ANKFN1: variants seen among roughly 807,000 people sequenced by gnomAD.
The protein encoded by ANKFN1 is ankyrin repeat and fibronectin type III domain containing 1.
In ANKFN1, 74 loss-of-function variants were observed where a neutral mutation model predicts 108.7. The ratio of observed to expected loss-of-function variants is 0.68; its 90% CI spans 0.56 to 0.83. The LOEUF (loss-of-function observed/expected upper bound fraction) is 0.83. Ranked by LOEUF, ANKFN1 falls within the 40% of genes least tolerant of loss-of-function variation. ANKFN1 has a pLI of 0.00. For missense variants in ANKFN1, 1,505 were observed against 1,382.3 expected, an observed-to-expected ratio of 1.09 and a Z score of -1.41; for synonymous variants, 547 against 516.2, an observed-to-expected ratio of 1.06 and a Z score of -0.81.
intron 18 of ANKFN1, among the ~76,000 whole-genome samples, chr17:56,491,535 T>C (rs1418157303): frequency 6.6e-6 from 1 of 152,122 alleles, no homozygotes; most frequent in Non-Finnish European, 1.5e-5. Flanking sequence ...GTGATATCTG[T>C]CCAATTATCT....
Position 56,466,569 on chromosome 17 carries a change from C to A in ANKFN1, c.1771C>A (p.Gln591Lys). 1 of 1,604,050 alleles carries A rather than the reference C, an allele frequency of 6.2e-7. No individual in the cohort carries two copies. Among genetic ancestry groups the A allele is most frequent in the South Asian group, 1.1e-5 (1 of 89,670 alleles). The change falls in exon 15 of 21, where the codon CAG becomes AAG. Residue 591 changes from glutamine (Q) to lysine (K), a missense_variant and splice_region_variant. Transcript: ENST00000682825. ...TALDILLITI[Q>K]DILSYHKRSH... ...TTTAGACATTCTACTGATAACCATC[C>A]AGGTATGTAGTTTTTTTCTTAATTC...
chr17:56,426,788 C>A (rs7209252), intron 8 of ANKFN1, among the ~76,000 whole-genome samples: 230 of 152,278 alleles, frequency 1.5e-3, no homozygotes, highest in African/African-American at 5.0e-3. Flanking sequence ...ACTTGAGAAT[C>A]CCCCAAAAAA....
At chr17:56,376,648 T>C (rs1357788272) in intron 8 of ANKFN1, among the ~76,000 whole-genome samples, 1 of 152,200 alleles carries the variant, frequency 6.6e-6, no homozygotes, top group African/African-American at 2.4e-5. Context: ...AGCAATTTAA[T>C]ACTTGCCCAC....
chr17:56,504,671 T>G (rs1470785567), intron 20 of ANKFN1, among the ~76,000 whole-genome samples: 2 of 152,062 alleles, frequency 1.3e-5, no homozygotes, highest in Non-Finnish European at 2.9e-5. Context: ...TTTTCTTTTT[T>G]ATGAGGCAGA....
At chr17:56,471,186 A>G (rs1162588597) in intron 15 of ANKFN1, 2 of 152,752 alleles carry the variant, frequency 1.3e-5, no homozygotes, top group Non-Finnish European at 2.9e-5. Flanking sequence ...AGAGGGACCA[A>G]ACCCACAACT....
chr17:56,340,202 T>A (rs1359030386), intron 4 of ANKFN1, among the ~76,000 whole-genome samples: 2 of 152,076 alleles, frequency 1.3e-5, no homozygotes, highest in East Asian at 3.9e-4. Flanking sequence ...TGCTGGGTAT[T>A]AGACCTCGTC....
chr17:56,261,908 A>G (rs1006221244), intron 3 of ANKFN1, among the ~76,000 whole-genome samples: 3 of 152,164 alleles, frequency 2.0e-5, no homozygotes, highest in African/African-American at 7.2e-5. Context: ...AATATTAACC[A>G]TCACAGACAT....
At chr17:56,192,293 A>G (rs1185015719) in intron 1 of ANKFN1, among the ~76,000 whole-genome samples, 3 of 139,478 alleles carry the variant, frequency 2.2e-5, no homozygotes, top group African/African-American at 8.2e-5. Context: ...AAAACCATAA[A>G]AACCCTAGAA....
chr17:56,331,146 T>C (rs1368332908), intron 4 of ANKFN1, among the ~76,000 whole-genome samples: 2 of 152,180 alleles, frequency 1.3e-5, no homozygotes, highest in African/African-American at 4.8e-5. Context: ...ATCTTTTGCT[T>C]TTAGAAGCCA....
Position 56,513,253 on chromosome 17 carries a change from T to C in ANKFN1, c.*1984T>C, listed in dbSNP as rs1157168185. On this transcript the variant is annotated 3_prime_UTR_variant, in exon 21 of 21. Transcript: ENST00000682825. ...TCTCCTATTTTGTAGATCATCTACC[T>C]ACTTCTGATTTCAAATTCAACCTTT... Among the ~76,000 whole-genome samples the C allele has an allele frequency of 6.6e-6, 1 of 152,232 alleles. No homozygotes were observed. Among genetic ancestry groups the C allele is most frequent in the East Asian group, 1.9e-4 (1 of 5,202 alleles).
chr17:56,303,851 A>AT (rs34077118), intron 3 of ANKFN1, among the ~76,000 whole-genome samples: 53,301 of 131,784 alleles, frequency 0.4, 11,059 homozygotes, highest in Middle Eastern at 0.63. Flanking sequence ...CGCTGAGCCA[A>AT]TTTTTTTTTT....
chr17:56,483,664 T>C (rs2050777886), intron 18 of ANKFN1, among the ~76,000 whole-genome samples: 1 of 151,972 alleles, frequency 6.6e-6, no homozygotes, highest in Non-Finnish European at 1.5e-5. Flanking sequence ...TGCTTAACCT[T>C]TCTACACCTT....
chr17:56,193,481 A>T (rs979911368), intron 1 of ANKFN1, among the ~76,000 whole-genome samples: 5 of 151,640 alleles, frequency 3.3e-5, no homozygotes, highest in Non-Finnish European at 7.4e-5. Context: ...CAAAAAAAAT[A>T]CAGCTAGTAT....
chr17:56,214,744 C>G (rs77722619), intron 2 of ANKFN1, among the ~76,000 whole-genome samples: 4 of 152,324 alleles, frequency 2.6e-5, no homozygotes, highest in Non-Finnish European at 4.4e-5. Context: ...AGCCCTCATT[C>G]TCTCAGACCT....
In ANKFN1 at chr17:56,275,169, C is replaced by T. The variant is rs180917053; in HGVS notation, c.53+47212C>T. ...AAACGGTTGCTTCCAATTCCAGATC[C>T]AATATCTAAAGTTGAGCATAATGCA... On this transcript the variant is annotated intron_variant, in intron 3 of 20. Transcript: ENST00000682825. 2.1e-3 allele frequency among the ~76,000 whole-genome samples: 323 copies of T among 152,152 alleles called. 1 individual carries two copies. The highest frequency in any genetic ancestry group is 0.015 in the Admixed American group (236 of 15,260).
chr17:56,255,412 G>A (rs921715330), intron 3 of ANKFN1, among the ~76,000 whole-genome samples: 1 of 152,132 alleles, frequency 6.6e-6, no homozygotes, highest in Admixed American at 6.5e-5. Flanking sequence ...ACAGAGGTTT[G>A]CCCCCACAAA....
At chr17:56,450,886 T>C (rs2049460774) in intron 11 of ANKFN1, among the ~76,000 whole-genome samples, 1 of 152,220 alleles carries the variant, frequency 6.6e-6, no homozygotes, top group Admixed American at 6.6e-5. Context: ...CAAAAAATGA[T>C]TGCCTAGATG....
chr17:56,108,177 A>C (rs62075431), intron 4 of ANKFN1, among the ~76,000 whole-genome samples: 80,785 of 152,074 alleles, frequency 0.53, 21,772 homozygotes, highest in East Asian at 0.81. Context: ...CTGGGATTAC[A>C]GGTGCACACC....
chr17:56,137,563 G>T (rs539216569), intron 4 of ANKFN1, among the ~76,000 whole-genome samples: 1 of 152,262 alleles, frequency 6.6e-6, no homozygotes, highest in African/African-American at 2.4e-5. Flanking sequence ...GTGGGATATT[G>T]CCTATCAAGG....
Sources: gnomAD v4.1 joint callset for allele counts (sites outside exome capture counted in the v4.1 genomes callset) on GRCh38, gnomAD v4.1.1 for gene constraint, MANE v1.5 for transcripts, NCBI Gene and HGNC (gene_info 2026-07-23, HGNC 2026-07-21) for gene names.